ABLIM2: variants seen among roughly 807,000 people sequenced by gnomAD.
The protein encoded by ABLIM2 is actin binding LIM protein family member 2, also known as actin-binding LIM protein 2.
In ABLIM2, 53 loss-of-function variants were observed where a neutral mutation model predicts 97.7. That is an observed-to-expected ratio of 0.54 (90% CI 0.44 to 0.68). ABLIM2 has a LOEUF of 0.68. ABLIM2 is among the 30% of genes least tolerant of loss of function. The pLI is 0.00. For missense variants in ABLIM2, 835 were observed against 867.2 expected, an observed-to-expected ratio of 0.96 and a Z score of 0.47; for synonymous variants, 361 against 345.8, an observed-to-expected ratio of 1.04 and a Z score of -0.49.
rs1762628367 is a variant in ABLIM2, at chr4:8,008,201, C to A, written c.1477-1G>T. ...TGAGCATCAGCCAGCTGCTCTTCTGCTGAAGGTAAAAAACAAAGTCATGCA... is the reference window on the plus strand; with the variant it reads ...TGAGCATCAGCCAGCTGCTCTTCTGATGAAGGTAAAAAACAAAGTCATGCA... On this transcript the variant is annotated splice_acceptor_variant, in intron 15 of 20. Coordinates refer to ENST00000447017, the MANE Select transcript of ABLIM2 (RefSeq NM_001130083.2). LOFTEE classifies it high-confidence loss of function. The A allele has an allele frequency of 1.2e-6, 2 of 1,612,286 alleles. No individual in the cohort carries two copies. Among genetic ancestry groups the A allele is most frequent in the Non-Finnish European group, 1.7e-6 (2 of 1,178,588 alleles).
intron 17 of ABLIM2, among the ~76,000 whole-genome samples, chr4:7,985,882 A>G (rs1021570742): frequency 1.3e-5 from 2 of 152,124 alleles, no homozygotes; most frequent in Non-Finnish European, 2.9e-5. Context: ...GCAAACCTCT[A>G]TGGAGGGTTC....
intron 20 of ABLIM2, among the ~76,000 whole-genome samples, chr4:7,976,941 A>G (rs193083722): frequency 1.3e-4 from 20 of 152,228 alleles, no homozygotes; most frequent in Middle Eastern, 3.4e-3. Context: ...ACATATCCAC[A>G]TACATACATA....
At position 8,023,437 on chromosome 4, in the gene ABLIM2, G is replaced by C. The variant is rs1775281584; in HGVS notation, c.1268-3134C>G. 6.6e-6 allele frequency among the ~76,000 whole-genome samples: 1 copy of C among 152,368 alleles called. No homozygotes were observed. The highest frequency in any genetic ancestry group is 2.1e-4 in the South Asian group (1 of 4,828). ...CCTGATGTTTTCTCATGGCGATACTGGGCTTATGGGGTTGAGAAGGAAGCC... is the reference window on the plus strand; with the variant it reads ...CCTGATGTTTTCTCATGGCGATACTCGGCTTATGGGGTTGAGAAGGAAGCC... On this transcript the variant is annotated intron_variant, in intron 12 of 20. Transcript: ENST00000447017. The surrounding 1 kb of genome is among the most constrained non-coding windows in gnomAD (Gnocchi z 5.7).
At position 7,992,481 on chromosome 4, in the gene ABLIM2, C is replaced by T. The variant is rs1008071369; in HGVS notation, c.1680+385G>A. On this transcript the variant is annotated intron_variant, in intron 17 of 20. Coordinates refer to ENST00000447017, the MANE Select transcript of ABLIM2 (RefSeq NM_001130083.2). This position sits in a 1 kb window ranked among gnomAD's most constrained non-coding sequence, Gnocchi z 5.7. ...CCGAGAAGGAGGTGGGCACTTGGCT[C>T]ACACTGGCTCACCAAATGCAACAGC... Among the ~76,000 whole-genome samples, 54 of 152,144 alleles carry T rather than the reference C, an allele frequency of 3.5e-4. No individual in the cohort carries two copies. Among genetic ancestry groups the T allele is most frequent in the African/African-American group, 1.3e-3 (54 of 41,510 alleles).
chr4:8,014,429 A>T (rs530092991), intron 14 of ABLIM2, among the ~76,000 whole-genome samples: 2 of 152,298 alleles, frequency 1.3e-5, no homozygotes, highest in Non-Finnish European at 2.9e-5. Context: ...TCTACAATTC[A>T]CATTGAATTG....
chr4:8,010,356 A>AAAACCCGTCTCCGTCCC, intron 14 of ABLIM2: 1 of 985,488 alleles, frequency 1.0e-6, no homozygotes, highest in Non-Finnish European at 1.2e-6. Flanking sequence ...CAATTACACA[A>AAAACCCGTCTCCGTCCC]AAACCCGTCT....
intron 6 of ABLIM2, among the ~76,000 whole-genome samples, chr4:8,073,825 C>T (rs1267758502): frequency 5.3e-5 from 8 of 152,130 alleles, no homozygotes; most frequent in African/African-American, 1.2e-4. Flanking sequence ...TGGTGGCTCA[C>T]GCCTGTAACC....
chr4:8,038,646 T>C (rs1786102285), intron 9 of ABLIM2, among the ~76,000 whole-genome samples: 1 of 152,182 alleles, frequency 6.6e-6, no homozygotes, highest in African/African-American at 2.4e-5. Context: ...TGTTGGGTCT[T>C]GGGGTGAACC....
At position 8,034,152 on chromosome 4, in the gene ABLIM2, G is replaced by A. The variant is rs867704854; in HGVS notation, c.1047+1997C>T. 1.2e-4 allele frequency among the ~76,000 whole-genome samples: 19 copies of A among 152,310 alleles called. No individual in the cohort carries two copies. In the East Asian group the frequency reaches 1.6e-3, roughly 12 times the overall value. On this transcript the variant is annotated intron_variant, in intron 10 of 20. Coordinates refer to ENST00000447017, the MANE Select transcript of ABLIM2 (RefSeq NM_001130083.2). ...TGGGTCTTAGCCCTGTGGCCGAGAC[G>A]CGAGTCCTCACGGACTCTCTTCCAG...
At chr4:8,047,524 C>T (rs1793359816) in intron 8 of ABLIM2, among the ~76,000 whole-genome samples, 1 of 152,174 alleles carries the variant, frequency 6.6e-6, no homozygotes, top group African/African-American at 2.4e-5. Flanking sequence ...TTTCTGCAGG[C>T]TGGCAGGGGC....
chr4:8,030,569 C>A (rs1780310772), intron 10 of ABLIM2, among the ~76,000 whole-genome samples: 1 of 152,230 alleles, frequency 6.6e-6, no homozygotes, highest in Non-Finnish European at 1.5e-5. Flanking sequence ...GGTGTGCTGT[C>A]CCTAACGCCT....
At chr4:7,978,998 A>G (rs1878323) in intron 20 of ABLIM2, among the ~76,000 whole-genome samples, 98,400 of 151,996 alleles carry the variant, frequency 0.65, 32,013 homozygotes, top group African/African-American at 0.67. Flanking sequence ...CACTGGATTC[A>G]CAGCCTCACC....
intron 9 of ABLIM2, among the ~76,000 whole-genome samples, chr4:8,036,840 C>T (rs772573277): frequency 3.3e-5 from 5 of 152,152 alleles, no homozygotes; most frequent in African/African-American, 4.8e-5. Context: ...GACACGCACA[C>T]ATGCAAACAC....
intron 16 of ABLIM2, chr4:8,007,347 C>G: frequency 1.0e-6 from 1 of 985,470 alleles, no homozygotes; most frequent in East Asian, 1.1e-4. Context: ...TCTCACACCC[C>G]CATCCATCCT....
At chr4:8,103,483 G>A (rs1244577934) in intron 2 of ABLIM2, among the ~76,000 whole-genome samples, 1 of 152,238 alleles carries the variant, frequency 6.6e-6, no homozygotes, top group African/African-American at 2.4e-5. Flanking sequence ...GGGCCAACAG[G>A]CCTGGCACAG....
intron 20 of ABLIM2, among the ~76,000 whole-genome samples, chr4:7,967,918 C>T (rs1170682905): frequency 6.6e-6 from 1 of 152,234 alleles, no homozygotes; most frequent in Non-Finnish European, 1.5e-5. Flanking sequence ...TCAGCCACCG[C>T]AAGCTCTGTG....
At chr4:8,031,319 G>A (rs1465945330) in intron 10 of ABLIM2, among the ~76,000 whole-genome samples, 1 of 150,694 alleles carries the variant, frequency 6.6e-6, no homozygotes, top group Non-Finnish European at 1.5e-5. Context: ...TCCCAGGAGT[G>A]TGCTCTGTGT....
Position 8,077,616 on chromosome 4 carries a change from C to A in ABLIM2, c.675+12G>T. 3 of 1,597,460 alleles carry A rather than the reference C, an allele frequency of 1.9e-6. No individual in the cohort carries two copies. Among genetic ancestry groups the A allele is most frequent in the East Asian group, 4.5e-5 (2 of 44,146 alleles). ...GCTCAGAGCGGGCAGGGGCCCGGCC[C>A]GCCGCGCTTACCTCCAGCACGCGCC... On this transcript the variant is annotated intron_variant, in intron 6 of 20. Coordinates refer to ENST00000447017, the MANE Select transcript of ABLIM2 (RefSeq NM_001130083.2).
intron 3 of ABLIM2, among the ~76,000 whole-genome samples, chr4:8,093,500 C>T (rs1287970579): frequency 6.6e-6 from 1 of 152,226 alleles, no homozygotes; most frequent in African/African-American, 2.4e-5. Flanking sequence ...AATGTACAAT[C>T]CAGCAGCTTT....
Sources: gnomAD v4.1 joint callset for allele counts (sites outside exome capture counted in the v4.1 genomes callset) on GRCh38, gnomAD v4.1.1 for gene constraint, Gnocchi (gnomAD v3.1) non-coding constraint, MANE v1.5 for transcripts, NCBI Gene and HGNC (gene_info 2026-07-23, HGNC 2026-07-21) for gene names.